Variants in INPP5D observed in about 807,000 individuals in gnomAD.
The protein encoded by INPP5D is inositol polyphosphate-5-phosphatase D.
A neutral mutation model predicts 122.9 loss-of-function variants in INPP5D; 33 were observed. The observed-to-expected ratio is 0.27, with a 90% confidence interval of 0.20 to 0.36. The LOEUF (loss-of-function observed/expected upper bound fraction) is 0.36. Among genes scored for constraint, INPP5D ranks in the 10% least tolerant of loss-of-function variants. The pLI is 1.00. For missense variants in INPP5D, 1,053 were observed against 1,412.7 expected (o/e 0.75, Z 4.08); for synonymous variants, 584 against 576.2 (o/e 1.01, Z -0.19).
rs1044876216 is a variant in INPP5D at position 233,143,961 on chromosome 2, G to T, written c.754-2201G>T. ...AGATGGTGGTGGTGATGGTGATGGT[G>T]AGGGTGGAGATGGTGGTAGTGATGG... On this transcript the variant is annotated intron_variant, in intron 6 of 26. Coordinates refer to ENST00000445964, the MANE Select transcript of INPP5D (RefSeq NM_001017915.3). Among the ~76,000 whole-genome samples, 120 of 151,800 alleles carry T rather than the reference G, an allele frequency of 7.9e-4. 1 individual carries two copies. Among genetic ancestry groups the T allele is most frequent in the East Asian group, 4.9e-3 (25 of 5,152 alleles).
intron 2 of INPP5D, among the ~76,000 whole-genome samples, chr2:233,096,467 C>A (rs549549247): frequency 6.6e-6 from 1 of 152,092 alleles, no homozygotes; most frequent in Admixed American, 6.6e-5. Flanking sequence ...GCCTGGCCAA[C>A]ATGGTGAAAT....
chr2:233,186,726 T>C (rs1397872744), intron 21 of INPP5D, among the ~76,000 whole-genome samples: 1 of 57,074 alleles, frequency 1.8e-5, no homozygotes, highest in African/African-American at 7.4e-5. Context: ...TTTTTTTTTT[T>C]TTTTTTTTTT....
rs376324528 is a variant in INPP5D at position 233,161,783 on chromosome 2, G to T, written c.1197G>T (p.Pro399=). The change falls in exon 11 of 27, where the codon CCG becomes CCT. Residue 399 remains proline, a synonymous_variant. Transcript: ENST00000445964. ...TGAAGAACAAGCACTCAGAGCAGCC[G>T]GAGCCCGACATGATCACCATCTTCA... The part of the protein sequence containing the change: ...QQMKNKHSEQ[P]EPDMITIFIG... 3 of 1,613,544 alleles carry T rather than the reference G, an allele frequency of 1.9e-6. No homozygotes were observed. The highest frequency in any genetic ancestry group is 2.2e-5 in the South Asian group (2 of 90,984).
Position 233,189,788 on chromosome 2 carries a change from CCACCTGTCCCCT to C in INPP5D, c.2359-51_2359-40del. ...TCGTCATCTTCATCCACTTGTCCAC[CCACCTGTCCCCT>C]CACCTGTCCCTTGCCCATCAACTCC... On this transcript the variant is annotated intron_variant, in intron 21 of 26. Coordinates refer to ENST00000445964, the MANE Select transcript of INPP5D (RefSeq NM_001017915.3). The surrounding 1 kb of genome is among the most constrained non-coding windows in gnomAD (Gnocchi z 5.6). The C allele has an allele frequency of 6.3e-7, 1 of 1,579,348 alleles. No homozygotes were observed. Among genetic ancestry groups the C allele is most frequent in the Non-Finnish European group, 8.6e-7 (1 of 1,164,042 alleles).
rs1694841930 is a variant in INPP5D, at chr2:233,183,828, G to C, written c.2162-580G>C. 6.6e-6 allele frequency among the ~76,000 whole-genome samples: 1 copy of C among 152,250 alleles called. No individual in the cohort carries two copies. Among genetic ancestry groups the C allele is most frequent in the African/African-American group, 2.4e-5 (1 of 41,462 alleles). On this transcript the variant is annotated intron_variant, in intron 19 of 26. Transcript: ENST00000445964. This position sits in a 1 kb window ranked among gnomAD's most constrained non-coding sequence, Gnocchi z 4.6. ...GTTCATGGTCTCCGAACAAGTCTCT[G>C]TTCTGTGGCTCAAAATTTCTATGAA...
chr2:233,139,236 T>C (rs1031870037), intron 5 of INPP5D, among the ~76,000 whole-genome samples: 14 of 152,284 alleles, frequency 9.2e-5, no homozygotes, highest in Non-Finnish European at 1.6e-4. Context: ...TGCCCCACTA[T>C]GTTAAAACAA....
At chr2:233,094,841 A>C (rs1322814676) in intron 2 of INPP5D, among the ~76,000 whole-genome samples, 1 of 152,222 alleles carries the variant, frequency 6.6e-6, no homozygotes, top group Non-Finnish European at 1.5e-5. Flanking sequence ...GCAAATGCCG[A>C]CAAATGCTCT....
intron 6 of INPP5D, among the ~76,000 whole-genome samples, chr2:233,142,221 C>T (rs1379107913): frequency 3.3e-5 from 5 of 152,192 alleles, no homozygotes; most frequent in Non-Finnish European, 2.9e-5. Context: ...TGCCACACTC[C>T]CCTCCCCTTT....
chr2:233,092,927 T>G (rs1327350689), intron 2 of INPP5D, among the ~76,000 whole-genome samples: 2 of 144,604 alleles, frequency 1.4e-5, no homozygotes, highest in African/African-American at 5.1e-5. Context: ...ACGTTGCCCC[T>G]GACAGGGCTT....
intron 25 of INPP5D, among the ~76,000 whole-genome samples, chr2:233,202,340 GC>G (rs1574808439): frequency 6.6e-6 from 1 of 152,210 alleles, no homozygotes; most frequent in African/African-American, 2.4e-5. Context: ...CATGGAGGGG[GC>G]CCTTTCCAAA....
Position 233,170,573 on chromosome 2 carries a change from G to C in INPP5D, c.1869G>C (p.Glu623Asp), listed in dbSNP as rs770876246. ...DLLSHDQLLT[E>D]RREQKVFLHF... ...TGTCCCACGACCAGCTGCTCACAGA[G>C]AGGAGGGAGCAGAAGGTCTTCCTAC... Residue 623 changes from glutamate (E) to aspartate (D), a missense_variant, in exon 16 of 27, where the codon GAG becomes GAC. Transcript: ENST00000445964. The surrounding 1 kb of genome is among the most constrained non-coding windows in gnomAD (Gnocchi z 4.5). 1.9e-6 allele frequency: 3 copies of C among 1,613,654 alleles called. No individual in the cohort carries two copies. Among genetic ancestry groups the C allele is most frequent in the Admixed American group, 1.7e-5 (1 of 60,000 alleles).
chr2:233,061,311 C>T (rs564520073), intron 1 of INPP5D, among the ~76,000 whole-genome samples: 3 of 149,996 alleles, frequency 2.0e-5, no homozygotes, highest in South Asian at 2.1e-4. Flanking sequence ...GCTGTGCTAA[C>T]AATGGAGGAA....
intron 2 of INPP5D, among the ~76,000 whole-genome samples, chr2:233,092,000 C>T (rs955988102): frequency 1.8e-4 from 27 of 152,136 alleles, no homozygotes; most frequent in Non-Finnish European, 4.4e-5. Context: ...GTGGGAAAGG[C>T]CAAGGAGGGA....
intron 12 of INPP5D, 31 bp downstream of exon 12, chr2:233,163,934 T>C (rs1450815224): frequency 6.2e-7 from 1 of 1,608,574 alleles, no homozygotes; most frequent in East Asian, 2.2e-5. Flanking sequence ...TGGGTGGGCT[T>C]CCGGGATAGA....
At chr2:233,106,159 T>A (rs1198457414) in intron 2 of INPP5D, among the ~76,000 whole-genome samples, 1 of 152,202 alleles carries the variant, frequency 6.6e-6, no homozygotes, top group Admixed American at 6.5e-5. Context: ...GTTTGCTGCA[T>A]AACAAACAGC....
chr2:233,118,397 C>A (rs570025865), intron 2 of INPP5D, among the ~76,000 whole-genome samples: 1 of 152,190 alleles, frequency 6.6e-6, no homozygotes, highest in Non-Finnish European at 1.5e-5. Context: ...GTCTAGACCA[C>A]GCTCCCCACC....
chr2:233,064,970 C>T (rs115510789), intron 1 of INPP5D, among the ~76,000 whole-genome samples: 2,049 of 152,286 alleles, frequency 0.013, 50 homozygotes, highest in African/African-American at 0.045. Flanking sequence ...TGGCCCAGGT[C>T]GTAGCCAGAG....
chr2:233,118,954 G>A (rs575485706), intron 2 of INPP5D, among the ~76,000 whole-genome samples: 20 of 152,336 alleles, frequency 1.3e-4, no homozygotes, highest in Admixed American at 5.9e-4. Flanking sequence ...AGGCACACGC[G>A]GTGGCCTCAC....
intron 26 of INPP5D, 55 bp downstream of exon 26, chr2:233,204,772 G>A (rs924552471): frequency 7.6e-6 from 11 of 1,441,862 alleles, no homozygotes; most frequent in Non-Finnish European, 1.0e-5. Context: ...GCATGCGTGA[G>A]TGCGTATGTG....
Sources: allele counts gnomAD v4.1 joint callset (sites outside exome capture counted in the v4.1 genomes callset), GRCh38; gene constraint gnomAD v4.1.1; non-coding constraint Gnocchi (gnomAD v3.1); transcripts MANE v1.5; gene names NCBI Gene and HGNC (gene_info 2026-07-23, HGNC 2026-07-21).